Variants in ARHGAP31 observed in about 807,000 individuals in gnomAD.
The protein encoded by ARHGAP31 is rho GTPase-activating protein 31.
In ARHGAP31, 34 loss-of-function variants were observed where a neutral mutation model predicts 113.9. The ratio of observed to expected loss-of-function variants is 0.30; its 90% CI spans 0.23 to 0.40. The LOEUF is 0.40. ARHGAP31 is among the 10% of genes least tolerant of loss of function. The pLI is 1.00. For synonymous variants in ARHGAP31, 650 were observed against 684.8 expected (o/e 0.95, Z 0.79); for missense variants, 1,548 against 1,767.1 (o/e 0.88, Z 2.22).
chr3:119,368,620 A>C (rs1014788996), intron 3 of ARHGAP31, 104 bp downstream of exon 3: 41 of 1,421,130 alleles, frequency 2.9e-5, no homozygotes, highest in Non-Finnish European at 4.0e-5. Flanking sequence ...CAGATGGTTG[A>C]CATTATCTTA....
intron 3 of ARHGAP31, among the ~76,000 whole-genome samples, chr3:119,374,495 G>A (rs1401626699): frequency 6.6e-6 from 1 of 152,074 alleles, no homozygotes; most frequent in Non-Finnish European, 1.5e-5. Flanking sequence ...GTATGGTTTG[G>A]CTCTGTCCCC....
At position 119,381,952 on chromosome 3, in the gene ARHGAP31, C is replaced by G. The variant is rs577439470; in HGVS notation, c.432-340C>G. 1.6e-4 allele frequency among the ~76,000 whole-genome samples: 23 copies of G among 146,410 alleles called. No individual in the cohort carries two copies. The East Asian group carries it at 3.6e-3, about 23-fold the overall frequency. ...AGTGAGCTGAGATCGCGCCACTGCA[C>G]TCCAGCCTGGGCGACAGAGCGAGAC... On this transcript the variant is annotated intron_variant, in intron 4 of 11. Coordinates refer to ENST00000264245, the MANE Select transcript of ARHGAP31 (RefSeq NM_020754.4).
At chr3:119,355,754 C>T (rs535780442) in intron 1 of ARHGAP31, among the ~76,000 whole-genome samples, 13 of 152,040 alleles carry the variant, frequency 8.6e-5, no homozygotes, top group East Asian at 7.7e-4. Flanking sequence ...TCTGTCTTTG[C>T]GATAGTTTGC....
intron 3 of ARHGAP31, among the ~76,000 whole-genome samples, chr3:119,373,666 G>A (rs1313902609): frequency 6.6e-6 from 1 of 152,088 alleles, no homozygotes; most frequent in Non-Finnish European, 1.5e-5. Flanking sequence ...GTTTCACCAT[G>A]TTGACCAGGC....
At chr3:119,299,720 A>G (rs962036412) in intron 1 of ARHGAP31, among the ~76,000 whole-genome samples, 1 of 152,254 alleles carries the variant, frequency 6.6e-6, no homozygotes, top group African/African-American at 2.4e-5. Context: ...ACAAACTTTC[A>G]GATCAATTAA....
chr3:119,356,067 G>A (rs1315078950), intron 1 of ARHGAP31, among the ~76,000 whole-genome samples: 1 of 152,210 alleles, frequency 6.6e-6, no homozygotes, highest in Non-Finnish European at 1.5e-5. Flanking sequence ...TAGACACAGA[G>A]TAGGCTTGCA....
At chr3:119,393,653 G>A (rs2080523352) in intron 8 of ARHGAP31, 62 bp downstream of exon 8, 16 of 1,599,206 alleles carry the variant, frequency 1.0e-5, no homozygotes, top group African/African-American at 1.3e-5. Flanking sequence ...TGCTTATTAA[G>A]TCTTTGGTTT....
At chr3:119,306,556 C>CA (rs59254294) in intron 1 of ARHGAP31, among the ~76,000 whole-genome samples, 4 of 151,054 alleles carry the variant, frequency 2.6e-5, no homozygotes, top group East Asian at 1.9e-4. Flanking sequence ...GACTTTGTCT[C>CA]AAAAAAAAAG....
At chr3:119,410,167 CA>C (rs749603619) in intron 11 of ARHGAP31, among the ~76,000 whole-genome samples, 167 of 152,364 alleles carry the variant, frequency 1.1e-3, no homozygotes, top group Non-Finnish European at 2.1e-3. Context: ...TTCTTCTGGA[CA>C]TCCTGGATGG....
At chr3:119,413,316 CAAAA>C (rs369363243) in intron 11 of ARHGAP31, among the ~76,000 whole-genome samples, 3 of 91,458 alleles carry the variant, frequency 3.3e-5, no homozygotes. Context: ...GACTCTGTCT[CAAAA>C]AAAAAAAAAA....
chr3:119,382,424 C>G, intron 5 of ARHGAP31, 25 bp downstream of exon 5: 1 of 1,603,072 alleles, frequency 6.2e-7, no homozygotes, highest in Non-Finnish European at 8.5e-7. Context: ...CTCCCCTTGT[C>G]ACCAGCCCAG....
chr3:119,415,882 G>T lies in ARHGAP31; in HGVS notation c.3953G>T (p.Gly1318Val), dbSNP rs529703977. The T allele has an allele frequency of 2.9e-4, 467 of 1,614,198 alleles. 4 individuals are homozygous for T. The South Asian group carries it at 4.9e-3, about 17-fold the overall frequency. The change falls in exon 12 of 12, where the codon GGG becomes GTG. Residue 1318 changes from glycine to valine, a missense_variant. Physicochemically the swap from Gly to Val is moderately radical, Grantham distance 109. Coordinates refer to ENST00000264245, the MANE Select transcript of ARHGAP31 (RefSeq NM_020754.4). ...CGCATGTCAGAGACAGAGCCATCTG[G>T]GGACAACCTTCTTTCTTCAAAACTA... ...RKRMSETEPS[G>V]DNLLSSKLER...
At chr3:119,341,319 G>C (rs1170608441) in intron 1 of ARHGAP31, among the ~76,000 whole-genome samples, 1 of 152,190 alleles carries the variant, frequency 6.6e-6, no homozygotes, top group African/African-American at 2.4e-5. Context: ...GTTGTCTTAA[G>C]CTGGCGTTGC....
intron 1 of ARHGAP31, among the ~76,000 whole-genome samples, chr3:119,351,529 T>C (rs917844328): frequency 3.3e-5 from 5 of 152,084 alleles, no homozygotes; most frequent in Non-Finnish European, 7.3e-5. Flanking sequence ...ATAGGAGTAG[T>C]AATGCCTACA....
At position 119,415,392 on chromosome 3, in the gene ARHGAP31, T is replaced by C. The variant is rs369750406; in HGVS notation, c.3463T>C (p.Trp1155Arg). ...MTSSYCKADP[W>R]RVYSQDPQDL... ...CTCATCTTACTGTAAAGCAGACCCC[T>C]GGAGGGTTTACTCCCAGGACCCCCA... The change falls in exon 12 of 12, where the codon TGG becomes CGG. Residue 1155 changes from tryptophan to arginine, a missense_variant. Transcript: ENST00000264245. 2.5e-5 allele frequency: 41 copies of C among 1,613,904 alleles called. No individual in the cohort carries two copies. The African/African-American group carries it at 3.6e-4, about 14-fold the overall frequency.
intron 1 of ARHGAP31, among the ~76,000 whole-genome samples, chr3:119,360,257 G>T (rs2080194290): frequency 6.6e-6 from 1 of 152,204 alleles, no homozygotes; most frequent in Non-Finnish European, 1.5e-5. Flanking sequence ...ATTATATTGT[G>T]TGTACACACC....
chr3:119,303,378 GA>G (rs2079601848), intron 1 of ARHGAP31, among the ~76,000 whole-genome samples: 1 of 152,200 alleles, frequency 6.6e-6, no homozygotes, highest in African/African-American at 2.4e-5. Flanking sequence ...GAACTCCCCA[GA>G]AACACTGCCT....
At position 119,413,513 on chromosome 3, in the gene ARHGAP31, G is replaced by A. The variant is rs189250728; in HGVS notation, c.1927-343G>A. ...CAGTGCATACAGATTAGGTACTTACGTTCTGGTGTAGACAGAACTGGATTT... is the reference window on the plus strand; with the variant it reads ...CAGTGCATACAGATTAGGTACTTACATTCTGGTGTAGACAGAACTGGATTT... On this transcript the variant is annotated intron_variant, in intron 11 of 11. Coordinates refer to ENST00000264245, the MANE Select transcript of ARHGAP31 (RefSeq NM_020754.4). 3.2e-4 allele frequency among the ~76,000 whole-genome samples: 49 copies of A among 152,194 alleles called. 1 individual carries two copies. The highest frequency in any genetic ancestry group is 2.6e-3 in the Admixed American group (39 of 15,292).
Position 119,414,834 on chromosome 3 carries a change from G to C in ARHGAP31, c.2905G>C (p.Val969Leu). 1 of 1,614,220 alleles carries C rather than the reference G, an allele frequency of 6.2e-7. No homozygotes were observed. The highest frequency in any genetic ancestry group is 8.5e-7 in the Non-Finnish European group (1 of 1,180,040). Residue 969 changes from valine to leucine, a missense_variant, in exon 12 of 12, where the codon GTT (valine) becomes CTT (leucine). Physicochemically the swap from Val to Leu is conservative, Grantham distance 32. Coordinates refer to ENST00000264245, the MANE Select transcript of ARHGAP31 (RefSeq NM_020754.4). ...PTVKSQWTLE[V>L]PSSSSCANLE... is the part of the protein sequence containing the mutation. ...GGTTAAAAGCCAGTGGACTCTCGAGGTTCCCTCCTCCAGCAGCTGTGCTAA... is the reference window on the plus strand; with the variant it reads ...GGTTAAAAGCCAGTGGACTCTCGAGCTTCCCTCCTCCAGCAGCTGTGCTAA...
Sources: allele counts gnomAD v4.1 joint callset (sites outside exome capture counted in the v4.1 genomes callset), GRCh38; gene constraint gnomAD v4.1.1; transcripts MANE v1.5; gene names NCBI Gene and HGNC (gene_info 2026-07-23, HGNC 2026-07-21).